Variants in NBPF9 observed in about 807,000 individuals in gnomAD.
The protein encoded by NBPF9 is NBPF family member NBPF9.
NBPF9 carries 91 observed loss-of-function variants against 97.8 expected under a neutral mutation model. The ratio of observed to expected loss-of-function variants is 0.93; its 90% CI spans 0.79 to 1.11. The LOEUF (loss-of-function observed/expected upper bound fraction) is 1.11. Among genes scored for constraint, NBPF9 ranks in the 50% least tolerant of loss-of-function variants. The pLI is 0.00. For missense variants in NBPF9, 992 were observed against 939.5 expected (o/e 1.06, Z -0.73); for synonymous variants, 334 against 359.5 (o/e 0.93, Z 0.80).
intron 5 of NBPF9, among the ~76,000 whole-genome samples, chr1:149,089,959 C>T (rs587658139): frequency 2.0e-5 from 3 of 152,118 alleles, no homozygotes; most frequent in South Asian, 2.1e-4. Context: ...CAGCCACTGT[C>T]GGCTGCTCAT....
chr1:149,086,912 A>C (rs1310115775), intron 5 of NBPF9, among the ~76,000 whole-genome samples: 1 of 152,122 alleles, frequency 6.6e-6, no homozygotes. Context: ...GAATGGAATG[A>C]CTGTCTATCT....
rs2078568498 is a variant in NBPF9, at chr1:149,061,100, A to G, written c.2303+232T>C. 9.7e-6 allele frequency: 4 copies of G among 411,854 alleles called. 1 individual carries two copies. The highest frequency in any genetic ancestry group is 3.1e-5 in the East Asian group (1 of 32,598). The allele number at this position is 411,854 out of a possible 1,614,324, so 25.5% of individuals were successfully genotyped here. A position where few individuals can be genotyped will look rare whatever the true frequency, so the allele number is the denominator to read the frequency against. ...CTCAAATTTCCATGCAGTCGCCATG[A>G]GAATAGAGTTTTTGAAGTCTGGTCC... On this transcript the variant is annotated intron_variant, in intron 23 of 29. Transcript: ENST00000584027.
At chr1:149,058,893 G>A (rs2078419185) in intron 26 of NBPF9, 32 bp downstream of exon 26, 2 of 598,526 alleles carry the variant, frequency 3.3e-6, no homozygotes, top group Non-Finnish European at 6.0e-6. Flanking sequence ...AGACCAGGTG[G>A]AGGCTTATCA....
intron 26 of NBPF9, 181 bp downstream of exon 26, chr1:149,058,744 G>C: frequency 1.8e-6 from 1 of 557,644 alleles, no homozygotes; most frequent in South Asian, 1.9e-5. Flanking sequence ...CTTGCTCACT[G>C]ACCCATTTCA....
downstream of NBPF9, among the ~76,000 whole-genome samples, chr1:149,052,464 T>G (rs587755939): frequency 3.3e-5 from 5 of 151,666 alleles, no homozygotes; most frequent in African/African-American, 9.7e-5. Context: ...CGATTAACAT[T>G]GGGATGGGCA....
chr1:149,103,349 G>A (rs1326001462), exon 1 of NBPF9: 1 of 152,194 alleles, frequency 6.6e-6, no homozygotes, highest in African/African-American at 2.4e-5. Context: ...TTCCCATCCA[G>A]ACGGCAGCCG....
intron 4 of NBPF9, among the ~76,000 whole-genome samples, chr1:149,095,766 C>G (rs1289009121): frequency 2.6e-5 from 4 of 152,030 alleles, no homozygotes; most frequent in Non-Finnish European, 5.9e-5. Context: ...CACTGTAAAC[C>G]TATCAGAATG....
chr1:149,074,478 TAATA>T (rs1382698074), intron 12 of NBPF9, among the ~76,000 whole-genome samples: 1 of 151,536 alleles, frequency 6.6e-6, no homozygotes, highest in Non-Finnish European at 1.5e-5. Flanking sequence ...AATGAAGAAC[TAATA>T]GATAGTGTTT....
At chr1:149,068,933 C>T (rs2079197009) in intron 17 of NBPF9, among the ~76,000 whole-genome samples, 1 of 151,830 alleles carries the variant, frequency 6.6e-6, no homozygotes, top group Non-Finnish European at 1.5e-5. Flanking sequence ...TGTCAGACCA[C>T]AGTGCAATCA....
chr1:149,055,654 G>A (rs781937934), exon 30 of NBPF9: 38 of 1,611,722 alleles, frequency 2.4e-5, no homozygotes, highest in Non-Finnish European at 3.1e-5. Flanking sequence ...AGTAAGGGCT[G>A]CTTATTGTGG....
rs1286619869 is a variant in NBPF9 at position 149,073,034 on chromosome 1, C to T, written c.1092-102G>A. The stretch of plus-strand genomic sequence containing the variant: ...TGAAACAGTGTCCTCAAGGAGACCT[C>T]GAAGCAGAAGGTCAGCACATGTTTA... On this transcript the variant is annotated intron_variant, in intron 13 of 29. Transcript: ENST00000584027. 119 of 1,279,838 alleles carry T rather than the reference C, an allele frequency of 9.3e-5. 3 individuals are homozygous for T. Among genetic ancestry groups the T allele is most frequent in the Non-Finnish European group, 1.2e-4 (106 of 878,010 alleles). The allele number at this position is 1,279,838 out of a possible 1,614,324, so 79.3% of individuals were successfully genotyped here. A position where few individuals can be genotyped will look rare whatever the true frequency, so the allele number is the denominator to read the frequency against.
At chr1:149,054,370 A>G (rs1553648217) in exon 30 of NBPF9, 1 of 126,656 alleles carries the variant, frequency 7.9e-6, no homozygotes, top group African/African-American at 2.9e-5. Context: ...AGAATACAGG[A>G]TATTTATACT....
In NBPF9 at chr1:149,093,205, A is replaced by G. The variant is rs1254808111; in HGVS notation, c.-336-2311T>C. ...AGTGCTGTGCTTTTGATGTGCATAT[A>G]CAGAAACATCTCAATGCCTTAAAGA... On this transcript the variant is annotated intron_variant, in intron 4 of 29. Transcript: ENST00000584027. Among the ~76,000 whole-genome samples, 738 of 151,736 alleles carry G rather than the reference A, an allele frequency of 4.9e-3. 6 individuals are homozygous for G. The highest frequency in any genetic ancestry group is 0.017 in the African/African-American group (702 of 41,358).
chr1:149,062,486 G>C (rs1450536128), intron 21 of NBPF9, among the ~76,000 whole-genome samples: 1 of 144,674 alleles, frequency 6.9e-6, no homozygotes, highest in Non-Finnish European at 1.5e-5. Flanking sequence ...AGAGGAGAAA[G>C]TGAGCTCAGC....
At chr1:149,077,483 G>A in intron 10 of NBPF9, 64 bp from the exon 11 acceptor site, 2 of 1,601,514 alleles carry the variant, frequency 1.2e-6, no homozygotes, top group Non-Finnish European at 1.7e-6. Flanking sequence ...ACCCCAGGGA[G>A]TACTAGCTGG....
intron 16 of NBPF9, 68 bp from the exon 17 acceptor site, chr1:149,069,713 T>A: frequency 1.1e-6 from 1 of 884,156 alleles, no homozygotes; most frequent in Non-Finnish European, 1.9e-6. Context: ...CAAATCACTG[T>A]CCAGTCATAG....
At chr1:149,095,601 C>A (rs2134385) in intron 4 of NBPF9, among the ~76,000 whole-genome samples, 1 of 128,036 alleles carries the variant, frequency 7.8e-6, no homozygotes. Flanking sequence ...ATGAAGAATT[C>A]TGAGAACTAA....
At chr1:149,079,727 G>A (rs2080241128) in intron 8 of NBPF9, among the ~76,000 whole-genome samples, 1 of 151,580 alleles carries the variant, frequency 6.6e-6, no homozygotes, top group African/African-American at 2.4e-5. Flanking sequence ...CTCACTAAGG[G>A]TAAGTGGGGT....
At chr1:149,095,616 C>T in intron 4 of NBPF9, among the ~76,000 whole-genome samples, 1 of 84,334 alleles carries the variant, frequency 1.2e-5, no homozygotes, top group African/African-American at 4.9e-5. Flanking sequence ...AACTAAACAA[C>T]ACAAAGCAAA....
Sources: allele counts gnomAD v4.1 joint callset (sites outside exome capture counted in the v4.1 genomes callset), GRCh38; gene constraint gnomAD v4.1.1; transcripts MANE v1.5; gene names NCBI Gene and HGNC (gene_info 2026-07-23, HGNC 2026-07-21).